Variants in SLC4A5 observed in about 807,000 individuals in gnomAD.
The protein encoded by SLC4A5 is electrogenic sodium bicarbonate cotransporter 4.
SLC4A5 carries 96 observed loss-of-function variants against 120.4 expected under a neutral mutation model. That is an observed-to-expected ratio of 0.80 (90% confidence interval 0.68 to 0.94). The LOEUF is 0.94. Ranked by LOEUF, SLC4A5 falls within the 40% of genes least tolerant of loss-of-function variation. The pLI is 0.00. For synonymous variants in SLC4A5, 550 were observed against 571.1 expected (o/e 0.96, Z 0.53); for missense variants, 1,259 against 1,459.5 (o/e 0.86, Z 2.24).
exon 31 of SLC4A5, chr2:74,216,891 G>A (rs1694462170): frequency 1.3e-5 from 2 of 152,188 alleles, no homozygotes; most frequent in Admixed American, 1.3e-4. Context: ...TTACAGGTGT[G>A]AGCCACTGTG....
At chr2:74,271,556 C>T (rs1671475528) in intron 8 of SLC4A5, among the ~76,000 whole-genome samples, 1 of 151,990 alleles carries the variant, frequency 6.6e-6, no homozygotes, top group African/African-American at 2.4e-5. Flanking sequence ...TAATTGTAGC[C>T]AATCATGTTT....
In SLC4A5 at chr2:74,248,496, C is replaced by A. The variant is rs751599917; in HGVS notation, c.1654-10G>T. On this transcript the variant is annotated splice_polypyrimidine_tract_variant and intron_variant, in intron 17 of 30. Coordinates refer to ENST00000394019, the Ensembl canonical transcript of SLC4A5. ...AGCTCTCCATCACTCCCTGGGGGCA[C>A]AAGGAATGTGTGGTTCAGCATAGGA... The A allele has an allele frequency of 6.2e-7, 1 of 1,613,720 alleles. No individual in the cohort carries two copies. The highest frequency in any genetic ancestry group is 8.5e-7 in the Non-Finnish European group (1 of 1,179,796).
chr2:74,278,416 G>T (rs1401216084), intron 8 of SLC4A5, among the ~76,000 whole-genome samples: 1 of 152,176 alleles, frequency 6.6e-6, no homozygotes, highest in Non-Finnish European at 1.5e-5. Context: ...GTGTGGACTT[G>T]TGCTTCCCCT....
At chr2:74,265,005 C>T (rs749041355) in intron 9 of SLC4A5, 99 bp downstream of exon 9, 77 of 1,349,232 alleles carry the variant, frequency 5.7e-5, no homozygotes, top group Middle Eastern at 5.3e-4. Flanking sequence ...GTGTCAGAGA[C>T]GGGCCGTCAC....
chr2:74,217,813 T>TTTTG (rs1694490588), exon 31 of SLC4A5: 1 of 152,204 alleles, frequency 6.6e-6, no homozygotes. Flanking sequence ...CAAACTTTTT[T>TTTTG]TTTGTTTGGA....
At chr2:74,341,249 G>A (rs549183347) in intron 2 of SLC4A5, among the ~76,000 whole-genome samples, 145 of 146,292 alleles carry the variant, frequency 9.9e-4, no homozygotes, top group Middle Eastern at 7.4e-3. Flanking sequence ...AGGTTGCAGC[G>A]AGCCAATTAT....
intron 4 of SLC4A5, among the ~76,000 whole-genome samples, chr2:74,328,551 G>A (rs1327839651): frequency 6.6e-6 from 1 of 152,150 alleles, no homozygotes; most frequent in Non-Finnish European, 1.5e-5. Context: ...TGTTAGAGCT[G>A]GAAGAGAACT....
In SLC4A5 at chr2:74,306,929, G is replaced by C. The variant is rs1161794525; in HGVS notation, c.80-2249C>G. ...TGAGCTTGATGTTCAGCAGGGCCTT[G>C]TACTCCTGGGCCTGGCACTGTCCCT... On this transcript the variant is annotated intron_variant, in intron 6 of 30. Coordinates refer to ENST00000394019, the Ensembl canonical transcript of SLC4A5. The C allele has an allele frequency of 4.9e-6, 3 of 613,976 alleles. No individual in the cohort carries two copies. The East Asian group carries it at 1.1e-4, about 23-fold the overall frequency. 38.0% of individuals were successfully genotyped at this position (613,976 alleles called of 1,614,324 possible).
exon 8 of SLC4A5, chr2:74,285,791 T>C: frequency 6.2e-7 from 1 of 1,611,266 alleles, no homozygotes; most frequent in Non-Finnish European, 8.5e-7. Context: ...CTCCTTCCAC[T>C]CCATCTGGTC....
intron 5 of SLC4A5, among the ~76,000 whole-genome samples, chr2:74,326,866 C>T (rs987430063): frequency 3.3e-5 from 5 of 152,236 alleles, no homozygotes; most frequent in East Asian, 3.9e-4. Context: ...AGCAAACAGA[C>T]ACACAGGGGT....
intron 6 of SLC4A5, among the ~76,000 whole-genome samples, chr2:74,312,572 G>A (rs1174522164): frequency 6.6e-6 from 1 of 152,062 alleles, no homozygotes; most frequent in Non-Finnish European, 1.5e-5. Context: ...ACATAGTTGG[G>A]TCTTGTTTTT....
rs564459495 is a variant in SLC4A5, at chr2:74,302,642, C to A, written c.271+1847G>T. Among the ~76,000 whole-genome samples the A allele has an allele frequency of 7.2e-5, 11 of 152,284 alleles. No individual in the cohort carries two copies. In the East Asian group the frequency reaches 2.1e-3, roughly 29 times the overall value. On this transcript the variant is annotated intron_variant, in intron 7 of 30. Coordinates refer to ENST00000394019, the Ensembl canonical transcript of SLC4A5. ...AAAAATATATATATGCCAAAGCGTT[C>A]TACATTCTTTTTCCTTTGGTTTGCA...
chr2:74,333,248 C>A (rs904819905), intron 4 of SLC4A5, among the ~76,000 whole-genome samples: 1 of 152,062 alleles, frequency 6.6e-6, no homozygotes, highest in Non-Finnish European at 1.5e-5. Context: ...ATTATCTGAC[C>A]CCAACTATCA....
At chr2:74,262,201 G>C (rs200473415) in exon 11 of SLC4A5, 1 of 1,608,694 alleles carries the variant, frequency 6.2e-7, no homozygotes, top group African/African-American at 1.4e-5. Context: ...GTAGACTCGG[G>C]CCAGCACCAG....
chr2:74,275,695 C>T (rs1320216261), intron 8 of SLC4A5, among the ~76,000 whole-genome samples: 1 of 152,236 alleles, frequency 6.6e-6, no homozygotes, highest in Non-Finnish European at 1.5e-5. Context: ...ATAACACTTC[C>T]TAATCACGAC....
chr2:74,218,531 T>G (rs1694513703), exon 31 of SLC4A5: 1 of 152,372 alleles, frequency 6.6e-6, no homozygotes, highest in African/African-American at 2.4e-5. Context: ...CTCCCTCTGT[T>G]TGATAAAGAA....
At chr2:74,268,074 C>T (rs1671361385) in intron 8 of SLC4A5, among the ~76,000 whole-genome samples, 1 of 151,830 alleles carries the variant, frequency 6.6e-6, no homozygotes, top group Non-Finnish European at 1.5e-5. Context: ...AGCTGAAAAT[C>T]TCGAGTAAGT....
exon 16 of SLC4A5, chr2:74,252,317 C>T: frequency 6.2e-7 from 1 of 1,613,354 alleles, no homozygotes; most frequent in South Asian, 1.1e-5. Flanking sequence ...ATTGCCTCCT[C>T]CAGGAGCTCC....
intron 8 of SLC4A5, among the ~76,000 whole-genome samples, chr2:74,275,390 CA>C (rs1003179702): frequency 9.2e-5 from 14 of 152,322 alleles, no homozygotes; most frequent in Middle Eastern, 3.4e-3. Context: ...CTTCTGGAAC[CA>C]AAACCTCTCT....
Sources: allele counts gnomAD v4.1 joint callset (sites outside exome capture counted in the v4.1 genomes callset), GRCh38; gene constraint gnomAD v4.1.1; transcripts MANE v1.5; gene names NCBI Gene and HGNC (gene_info 2026-07-23, HGNC 2026-07-21).